NTM: variants seen among roughly 807,000 people sequenced by gnomAD.
NTM encodes neurotrimin, also known as IgLON family member 2.
NTM carries 13 observed loss-of-function variants against 42.1 expected under a neutral mutation model. The ratio of observed to expected loss-of-function variants is 0.31; its 90% CI spans 0.20 to 0.49. The LOEUF is 0.49. Ranked by LOEUF, NTM falls within the 20% of genes least tolerant of loss-of-function variation. The probability of loss-of-function intolerance (pLI) is 0.99; values close to 1 mark genes in which losing one functional copy is unlikely to be tolerated. For synonymous variants in NTM, 187 were observed against 179.2 expected, an observed-to-expected ratio of 1.04 and a Z score of -0.35; for missense variants, 373 against 452.8, an observed-to-expected ratio of 0.82 and a Z score of 1.60.
intron 2 of NTM, among the ~76,000 whole-genome samples, chr11:131,999,778 A>G (rs972095874): frequency 2.6e-5 from 4 of 152,158 alleles, no homozygotes; most frequent in Non-Finnish European, 5.9e-5. Context: ...AGTTTTATAT[A>G]ATTATTATAT....
At chr11:132,306,958 A>T (rs2095108122) in intron 4 of NTM, among the ~76,000 whole-genome samples, 1 of 152,078 alleles carries the variant, frequency 6.6e-6, no homozygotes, top group African/African-American at 2.4e-5. Context: ...ATAATTTTTC[A>T]CTGAAGACAA....
intron 2 of NTM, among the ~76,000 whole-genome samples, chr11:132,053,644 T>G (rs1290535581): frequency 6.6e-6 from 1 of 152,214 alleles, no homozygotes; most frequent in Non-Finnish European, 1.5e-5. Flanking sequence ...GAACTACTCT[T>G]TCTTCATCTA....
chr11:132,052,700 CCTTT>C (rs1485108277), intron 2 of NTM, among the ~76,000 whole-genome samples: 3 of 151,628 alleles, frequency 2.0e-5, no homozygotes, highest in Non-Finnish European at 4.4e-5. Flanking sequence ...CCTCATTCTC[CCTTT>C]CTTTTTTCTA....
chr11:131,684,780 G>A (rs984492046), intron 1 of NTM, among the ~76,000 whole-genome samples: 7 of 152,220 alleles, frequency 4.6e-5, no homozygotes, highest in Admixed American at 6.5e-5. Flanking sequence ...GAGATGACCC[G>A]TGCAAGATAC....
At chr11:132,140,853 T>C (rs1177021330) in intron 2 of NTM, among the ~76,000 whole-genome samples, 1 of 152,200 alleles carries the variant, frequency 6.6e-6, no homozygotes, top group Non-Finnish European at 1.5e-5. Context: ...AGCCGAATGC[T>C]CAGAGGCACC....
intron 4 of NTM, among the ~76,000 whole-genome samples, chr11:132,219,532 GTAATA>G (rs995046090): frequency 7.3e-5 from 11 of 151,466 alleles, no homozygotes; most frequent in South Asian, 2.1e-4. Flanking sequence ...ATTATTAAAG[GTAATA>G]TAATATAATA....
intron 1 of NTM, among the ~76,000 whole-genome samples, chr11:131,530,937 A>AG (rs1383130976): frequency 6.6e-6 from 1 of 152,196 alleles, no homozygotes; most frequent in East Asian, 1.9e-4. Flanking sequence ...CAGTAGTGGG[A>AG]GGTAGGGATG....
intron 7 of NTM, among the ~76,000 whole-genome samples, chr11:132,329,020 C>T (rs879464881): frequency 4.6e-5 from 7 of 152,116 alleles, no homozygotes; most frequent in Admixed American, 6.5e-5. Context: ...TTCTCAGGGC[C>T]GCTAATGCCC....
chr11:131,391,302 G>T (rs748530229), intron 1 of NTM, among the ~76,000 whole-genome samples: 3 of 151,922 alleles, frequency 2.0e-5, no homozygotes, highest in Non-Finnish European at 4.4e-5. Context: ...ACATGCTTTG[G>T]GTGCCACCTA....
At chr11:131,543,075 C>T (rs191268819) in intron 1 of NTM, among the ~76,000 whole-genome samples, 2 of 152,350 alleles carry the variant, frequency 1.3e-5, no homozygotes, top group East Asian at 3.9e-4. Context: ...GAACACGTGA[C>T]TTCTCTTAGC....
intron 2 of NTM, among the ~76,000 whole-genome samples, chr11:132,116,039 C>A (rs1447377314): frequency 6.6e-6 from 1 of 152,354 alleles, no homozygotes; most frequent in East Asian, 1.9e-4. Flanking sequence ...CTGCGTCTCT[C>A]TGAGCATTTC....
intron 2 of NTM, among the ~76,000 whole-genome samples, chr11:131,950,693 C>T (rs1049432964): frequency 6.6e-6 from 1 of 152,176 alleles, no homozygotes; most frequent in African/African-American, 2.4e-5. Context: ...GTGAGAGTTA[C>T]ATTAGATACT....
chr11:131,793,923 C>G (rs7940659), intron 1 of NTM, among the ~76,000 whole-genome samples: 103,682 of 152,128 alleles, frequency 0.68, 36,542 homozygotes, highest in East Asian at 0.8. Context: ...GACCATGGAA[C>G]CACAAGAACG....
chr11:132,257,130 TTA>T, intron 4 of NTM, among the ~76,000 whole-genome samples: 1 of 152,286 alleles, frequency 6.6e-6, no homozygotes, highest in Admixed American at 6.5e-5. Context: ...CAGTTTTGAC[TTA>T]TTGCATGAAG....
rs1333765640 is a variant in NTM, at chr11:132,330,134, T to A, written c.935-19T>A. 1 of 1,551,698 alleles carries A rather than the reference T, an allele frequency of 6.4e-7. No individual in the cohort carries two copies. The highest frequency in any genetic ancestry group is 2.0e-5 in the Admixed American group (1 of 50,988). Reference sequence around the variant, plus strand: ...TCTGCTTTCGACCTTAACAGTGGCTTGTTTTTAATTTCTTTTAGAAGTGAA... The same window carrying A: ...TCTGCTTTCGACCTTAACAGTGGCTAGTTTTTAATTTCTTTTAGAAGTGAA... On this transcript the variant is annotated intron_variant, in intron 7 of 8. Transcript: ENST00000683400.
intron 2 of NTM, among the ~76,000 whole-genome samples, chr11:131,989,935 C>G (rs1388120276): frequency 6.6e-6 from 1 of 152,048 alleles, no homozygotes; most frequent in African/African-American, 2.4e-5. Context: ...ATGGCCAAAA[C>G]TGATGTCAGT....
In NTM at chr11:131,878,587, AAAAAAAAATATATATATATATATATATAT is replaced by A. The variant is rs1166295268; in HGVS notation, c.83-32975_83-32947del. On this transcript the variant is annotated intron_variant, in intron 1 of 8. Coordinates refer to ENST00000683400, the MANE Select transcript of NTM (RefSeq NM_001352005.2). ...TCCATCTCAAAAAAAAAAAAAAAAA[AAAAAAAAATATATATATATATATATATAT>A]ATATATATATATATATATATATATA... 5.3e-3 allele frequency among the ~76,000 whole-genome samples: 308 copies of A among 58,552 alleles called. 19 individuals are homozygous for A. The highest frequency in any genetic ancestry group is 7.8e-3 in the Non-Finnish European group (246 of 31,518). 38.4% of individuals were successfully genotyped at this position (58,552 alleles called of 152,430 possible). A position where few individuals can be genotyped will look rare whatever the true frequency, so the allele number is the denominator to read the frequency against.
chr11:132,119,131 C>A (rs2064339124), intron 2 of NTM, among the ~76,000 whole-genome samples: 1 of 152,208 alleles, frequency 6.6e-6, no homozygotes, highest in Non-Finnish European at 1.5e-5. Flanking sequence ...AGCCGGTCTC[C>A]TCTACTTCTT....
intron 2 of NTM, among the ~76,000 whole-genome samples, chr11:132,121,366 A>G (rs2064793210): frequency 6.6e-6 from 1 of 152,172 alleles, no homozygotes; most frequent in African/African-American, 2.4e-5. Flanking sequence ...TGTAGATACC[A>G]CAGTATAACA....
Sources: gnomAD v4.1 joint callset for allele counts (sites outside exome capture counted in the v4.1 genomes callset) on GRCh38, gnomAD v4.1.1 for gene constraint, MANE v1.5 for transcripts, NCBI Gene and HGNC (gene_info 2026-07-23, HGNC 2026-07-21) for gene names.